Variants in TTLL5 observed in about 807,000 individuals in gnomAD.
TTLL5 encodes tubulin tyrosine ligase like 5.
Under a neutral mutation model 168.4 loss-of-function variants are expected in TTLL5, and 132 were observed. That is an observed-to-expected ratio of 0.78 (90% CI 0.68 to 0.91). TTLL5 has a LOEUF of 0.91. TTLL5 is among the 40% of genes least tolerant of loss of function. TTLL5 has a pLI of 0.00. For missense variants in TTLL5, 1,545 were observed against 1,581.5 expected (o/e 0.98, Z 0.39); for synonymous variants, 546 against 558.6 (o/e 0.98, Z 0.32).
chr14:75,727,774 C>A, intron 12 of TTLL5: 1 of 471,794 alleles, frequency 2.1e-6, no homozygotes, highest in Non-Finnish European at 4.3e-6. Context: ...GAGTATATAC[C>A]ATATGATTCC....
intron 30 of TTLL5, among the ~76,000 whole-genome samples, chr14:75,892,823 A>T (rs1009411164): frequency 7.2e-5 from 11 of 152,316 alleles, no homozygotes; most frequent in Admixed American, 3.9e-4. Context: ...TTCCTGTCTC[A>T]AAACTGCCTT....
intron 23 of TTLL5, among the ~76,000 whole-genome samples, chr14:75,778,850 A>G (rs573527634): frequency 3.3e-5 from 5 of 152,282 alleles, no homozygotes; most frequent in Non-Finnish European, 7.3e-5. Flanking sequence ...AATTTCAGTA[A>G]TTTGAAGTGA....
intron 29 of TTLL5, among the ~76,000 whole-genome samples, chr14:75,878,453 T>G (rs1455538930): frequency 1.3e-5 from 2 of 152,164 alleles, no homozygotes; most frequent in Non-Finnish European, 2.9e-5. Flanking sequence ...ACAGGGAACA[T>G]GAAAGGGCAT....
In TTLL5 at chr14:75,663,026, A is replaced by G. The variant is rs183007093; in HGVS notation, c.-95-29A>G. 830 of 793,218 alleles carry G rather than the reference A, an allele frequency of 1.0e-3. 2 individuals carry two copies. The highest frequency in any genetic ancestry group is 4.4e-3 in the Middle Eastern group (20 of 4,518). 49.1% of individuals were successfully genotyped at this position (793,218 alleles called of 1,614,324 possible). On this transcript the variant is annotated intron_variant, in intron 1 of 31. Transcript: ENST00000298832. ...GACAACTGCATTGTGTTTCAGGTCA[A>G]TTGATCCAATCAAGTTGATTTCTTG...
At chr14:75,902,005 G>A (rs1394566925) in intron 30 of TTLL5, 137 bp from the exon 31 acceptor site, 1 of 711,498 alleles carries the variant, frequency 1.4e-6, no homozygotes. Context: ...GGTGACATTT[G>A]AACAAAGCCT....
intron 28 of TTLL5, among the ~76,000 whole-genome samples, chr14:75,848,992 T>C (rs1896701480): frequency 6.6e-6 from 1 of 152,232 alleles, no homozygotes; most frequent in Non-Finnish European, 1.5e-5. Flanking sequence ...AGCAGAAGTC[T>C]GGTTCACATT....
chr14:75,719,837 G>GTT lies in TTLL5; in HGVS notation c.934+11_934+12insTT. On this transcript the variant is annotated intron_variant, in intron 11 of 31. Coordinates refer to ENST00000298832, the MANE Select transcript of TTLL5 (RefSeq NM_015072.5). ...GCAGAGATACAACCGGTGAGTACTG[G>GTT]GCCTTTTTCCTTCTTGACTTCTCTT... is the stretch of plus-strand genomic sequence containing the variant. 6.2e-7 allele frequency: 1 copy of GTT among 1,612,872 alleles called. No individual in the cohort carries two copies. The highest frequency in any genetic ancestry group is 8.5e-7 in the Non-Finnish European group (1 of 1,179,068).
At chr14:75,835,915 C>CATA (rs1348403035) in intron 28 of TTLL5, among the ~76,000 whole-genome samples, 1 of 152,128 alleles carries the variant, frequency 6.6e-6, no homozygotes, top group Non-Finnish European at 1.5e-5. Context: ...GGATGTGGAG[C>CATA]ATAGTGAAGG....
intron 29 of TTLL5, among the ~76,000 whole-genome samples, chr14:75,875,696 G>T (rs184155993): frequency 4.6e-5 from 7 of 152,224 alleles, no homozygotes; most frequent in Non-Finnish European, 1.0e-4. Context: ...AGCAGTCTAG[G>T]TCTACGTTTA....
chr14:75,707,171 C>G (rs961142519), intron 8 of TTLL5, 84 bp downstream of exon 8: 4 of 1,031,098 alleles, frequency 3.9e-6, no homozygotes, highest in Non-Finnish European at 6.0e-6. Context: ...TCTAGTAAGT[C>G]TTTATTATAC....
intron 27 of TTLL5, among the ~76,000 whole-genome samples, chr14:75,797,544 G>A (rs985548209): frequency 2.6e-5 from 4 of 152,082 alleles, no homozygotes; most frequent in African/African-American, 9.7e-5. Flanking sequence ...AATGTTGGTT[G>A]TGGGTTTGTC....
intron 26 of TTLL5, among the ~76,000 whole-genome samples, chr14:75,791,714 G>A (rs141143304): frequency 5.9e-5 from 9 of 152,032 alleles, no homozygotes; most frequent in African/African-American, 1.9e-4. Context: ...TAAATATTTT[G>A]TATGTACTAA....
intron 31 of TTLL5, among the ~76,000 whole-genome samples, chr14:75,951,743 G>A (rs554807993): frequency 4.6e-5 from 7 of 152,298 alleles, no homozygotes; most frequent in South Asian, 2.1e-4. Flanking sequence ...CAGCCTCGGC[G>A]ACAGAGCGAA....
intron 27 of TTLL5, among the ~76,000 whole-genome samples, chr14:75,799,772 T>G (rs1368245832): frequency 6.6e-6 from 1 of 152,216 alleles, no homozygotes; most frequent in Non-Finnish European, 1.5e-5. Context: ...ATTGTTTTGT[T>G]TAAGGAGGCT....
chr14:75,904,361 G>T, intron 31 of TTLL5: 1 of 702,758 alleles, frequency 1.4e-6, no homozygotes. Context: ...GATACCCTAT[G>T]AGAACCCCTT....
intron 29 of TTLL5, among the ~76,000 whole-genome samples, chr14:75,868,073 C>T (rs547102360): frequency 5.9e-5 from 9 of 152,288 alleles, no homozygotes; most frequent in Admixed American, 1.3e-4. Context: ...ATTCTAATTG[C>T]AGACATTGAG....
intron 18 of TTLL5, among the ~76,000 whole-genome samples, chr14:75,758,089 A>G (rs1174357686): frequency 2.6e-5 from 4 of 152,232 alleles, no homozygotes; most frequent in Non-Finnish European, 5.9e-5. Flanking sequence ...CTAACTGAAG[A>G]TGGTATTCTC....
intron 28 of TTLL5, among the ~76,000 whole-genome samples, chr14:75,832,607 A>G (rs1297397280): frequency 6.6e-6 from 1 of 152,212 alleles, no homozygotes; most frequent in African/African-American, 2.4e-5. Flanking sequence ...ATGAGATCCC[A>G]TATGTGAACG....
At chr14:75,665,140 C>T (rs535296584) in intron 2 of TTLL5, among the ~76,000 whole-genome samples, 54 of 152,228 alleles carry the variant, frequency 3.5e-4, no homozygotes, top group South Asian at 1.2e-3. Flanking sequence ...AAATAAAATA[C>T]ATATTATTAC....
Sources: allele counts gnomAD v4.1 joint callset (sites outside exome capture counted in the v4.1 genomes callset), GRCh38; gene constraint gnomAD v4.1.1; transcripts MANE v1.5; gene names NCBI Gene and HGNC (gene_info 2026-07-23, HGNC 2026-07-21).